Variants in CHRM3 observed in about 807,000 individuals in gnomAD.
CHRM3 encodes the protein muscarinic acetylcholine receptor M3.
In CHRM3, 11 loss-of-function variants were observed where a neutral mutation model predicts 41.8. The observed-to-expected ratio is 0.26, with a 90% CI of 0.17 to 0.44. The LOEUF is 0.44. Among genes scored for constraint, CHRM3 ranks in the 20% least tolerant of loss-of-function variants. The probability of loss-of-function intolerance (pLI) is 1.00; values close to 1 mark genes in which losing one functional copy is unlikely to be tolerated. For synonymous variants in CHRM3, 297 were observed against 301.4 expected, an observed-to-expected ratio of 0.99 and a Z score of 0.15; for missense variants, 571 against 745.4, an observed-to-expected ratio of 0.77 and a Z score of 2.72.
chr1:239,821,807 G>A (rs973748536), intron 5 of CHRM3, among the ~76,000 whole-genome samples: 4 of 152,242 alleles, frequency 2.6e-5, no homozygotes, highest in Non-Finnish European at 2.9e-5. Context: ...ATTGTAATCC[G>A]CATAATCCCC....
intron 3 of CHRM3, among the ~76,000 whole-genome samples, chr1:239,602,140 A>ATATATATATATAT (rs1432471091): frequency 2.8e-5 from 4 of 144,838 alleles, no homozygotes; most frequent in African/African-American, 1.0e-4. Context: ...ATATATATAT[A>ATATATATATATAT]ATTTTGTTTT....
chr1:239,746,081 C>G (rs948914486), intron 5 of CHRM3, among the ~76,000 whole-genome samples: 11 of 152,102 alleles, frequency 7.2e-5, no homozygotes, highest in Non-Finnish European at 1.6e-4. Context: ...TCAGAAATGC[C>G]CTTGAGTTTT....
chr1:239,866,293 C>T (rs951193410), intron 6 of CHRM3, among the ~76,000 whole-genome samples: 2 of 151,974 alleles, frequency 1.3e-5, no homozygotes, highest in African/African-American at 2.4e-5. Flanking sequence ...AGGAGAATGG[C>T]GTGAACCCGG....
chr1:239,618,029 G>A (rs1265921117), intron 3 of CHRM3, among the ~76,000 whole-genome samples: 2 of 151,920 alleles, frequency 1.3e-5, no homozygotes, highest in Non-Finnish European at 2.9e-5. Context: ...CCGTTGTTAC[G>A]TTTCCTTTTT....
chr1:239,530,114 A>G (rs1359209960), intron 2 of CHRM3, among the ~76,000 whole-genome samples: 1 of 152,162 alleles, frequency 6.6e-6, no homozygotes, highest in Admixed American at 6.5e-5. Flanking sequence ...CGTGTTAGCC[A>G]GGATGGTCTT....
At chr1:239,899,604 A>G (rs1015400241) in intron 6 of CHRM3, among the ~76,000 whole-genome samples, 3 of 151,948 alleles carry the variant, frequency 2.0e-5, no homozygotes, top group African/African-American at 7.2e-5. Flanking sequence ...CATGCAATGT[A>G]TATATACACT....
rs560294575 is a variant in CHRM3 at position 239,787,413 on chromosome 1, G to A, written c.-146-39839G>A. Among the ~76,000 whole-genome samples the A allele has an allele frequency of 7.4e-4, 102 of 137,230 alleles. 1 individual carries two copies. The highest frequency in any genetic ancestry group is 2.6e-3 in the African/African-American group (95 of 36,690). The allele number at this position is 137,230 out of a possible 152,430, so 90.0% of individuals were successfully genotyped here. A position where few individuals can be genotyped will look rare whatever the true frequency, so the allele number is the denominator to read the frequency against. ...TGGCAGTAAGGATGAAGCAGAAGCC[G>A]TGTAGAAGCTTGAAAGAAGCCAGCC... On this transcript the variant is annotated intron_variant, in intron 5 of 6. Coordinates refer to ENST00000676153, the MANE Select transcript of CHRM3 (RefSeq NM_001375978.1).
intron 5 of CHRM3, among the ~76,000 whole-genome samples, chr1:239,794,460 T>A (rs559996522): frequency 6.6e-6 from 1 of 151,998 alleles, no homozygotes; most frequent in East Asian, 1.9e-4. Context: ...TGTATATCAT[T>A]GTATAACTCA....
chr1:239,765,616 C>T (rs1021761738), intron 5 of CHRM3, among the ~76,000 whole-genome samples: 14 of 151,944 alleles, frequency 9.2e-5, no homozygotes, highest in East Asian at 1.9e-4. Flanking sequence ...TATTTCCTTA[C>T]ACACAAAAAA....
chr1:239,403,354 G>A (rs1660140010), intron 1 of CHRM3, among the ~76,000 whole-genome samples: 2 of 152,162 alleles, frequency 1.3e-5, no homozygotes, highest in South Asian at 4.1e-4. Flanking sequence ...TGAGTTCCTT[G>A]TTACTGTTCC....
At chr1:239,580,797 A>T (rs143251676) in intron 3 of CHRM3, among the ~76,000 whole-genome samples, 79 of 149,084 alleles carry the variant, frequency 5.3e-4, no homozygotes, top group Non-Finnish European at 8.2e-4. Context: ...CATTATATAT[A>T]GGTTAAGAAA....
At chr1:239,565,708 CTT>C (rs1388534452) in intron 3 of CHRM3, among the ~76,000 whole-genome samples, 1 of 151,964 alleles carries the variant, frequency 6.6e-6, no homozygotes, top group Non-Finnish European at 1.5e-5. Flanking sequence ...GAATAATTCT[CTT>C]TGTTTTGTTT....
At chr1:239,650,950 A>G (rs763078400) in intron 4 of CHRM3, among the ~76,000 whole-genome samples, 1 of 152,222 alleles carries the variant, frequency 6.6e-6, no homozygotes, top group Admixed American at 6.5e-5. Flanking sequence ...GCACATTAAT[A>G]TATGTAAATA....
At chr1:239,394,764 C>G (rs2102937531) in intron 1 of CHRM3, among the ~76,000 whole-genome samples, 1 of 152,212 alleles carries the variant, frequency 6.6e-6, no homozygotes, top group South Asian at 2.1e-4. Context: ...CTTAATAATT[C>G]TGAGAATTAT....
At chr1:239,836,542 C>T (rs559826012) in intron 6 of CHRM3, among the ~76,000 whole-genome samples, 3 of 152,224 alleles carry the variant, frequency 2.0e-5, no homozygotes, top group East Asian at 1.9e-4. Context: ...GCTAGAAATG[C>T]GGAAGCCAAG....
chr1:239,788,701 G>C (rs1361916601), intron 5 of CHRM3, among the ~76,000 whole-genome samples: 2 of 152,126 alleles, frequency 1.3e-5, no homozygotes, highest in African/African-American at 4.8e-5. Context: ...GGGAGGCAGA[G>C]GTTGCAGTGA....
chr1:239,387,832 C>T lies in CHRM3; in HGVS notation c.-521+605C>T, dbSNP rs1371317833. ...TTCGAGTAACACTTGGGCGAAGGTA[C>T]CTAGCCTAGTGCGCATCTTTACTGA... On this transcript the variant is annotated intron_variant, in intron 1 of 6. Coordinates refer to ENST00000676153, the MANE Select transcript of CHRM3 (RefSeq NM_001375978.1). The surrounding 1 kb of genome is among the most constrained non-coding windows in gnomAD (Gnocchi z 5.1). 6.6e-6 allele frequency among the ~76,000 whole-genome samples: 1 copy of T among 152,174 alleles called. No homozygotes were observed. The highest frequency in any genetic ancestry group is 1.5e-5 in the Non-Finnish European group (1 of 68,026).
intron 5 of CHRM3, among the ~76,000 whole-genome samples, chr1:239,750,967 C>CCTG (rs1665770645): frequency 6.6e-6 from 1 of 152,108 alleles, no homozygotes; most frequent in Non-Finnish European, 1.5e-5. Context: ...GTGGCTCATG[C>CCTG]CTGTAATCCC....
intron 2 of CHRM3, among the ~76,000 whole-genome samples, chr1:239,495,298 T>TC (rs1667808570): frequency 1.3e-5 from 2 of 152,150 alleles, no homozygotes; most frequent in South Asian, 4.1e-4. Context: ...ATTTGGGTCT[T>TC]CCCCACATTA....
Sources: gnomAD v4.1 joint callset for allele counts (sites outside exome capture counted in the v4.1 genomes callset) on GRCh38, gnomAD v4.1.1 for gene constraint, Gnocchi (gnomAD v3.1) non-coding constraint, MANE v1.5 for transcripts, NCBI Gene and HGNC (gene_info 2026-07-23, HGNC 2026-07-21) for gene names.